MRPS35: variants seen among roughly 807,000 people sequenced by gnomAD.
The protein encoded by MRPS35 is mitochondrial ribosomal protein S35.
In MRPS35, 29 loss-of-function variants were observed where a neutral mutation model predicts 32.7. The observed-to-expected ratio is 0.89, with a 90% confidence interval of 0.66 to 1.21. The LOEUF is 1.21. MRPS35 is among the 50% of genes most tolerant of loss of function. The pLI, the probability that MRPS35 is intolerant of heterozygous loss-of-function variation, is 0.00. For missense variants in MRPS35, 373 were observed against 383.8 expected (o/e 0.97, Z 0.23); for synonymous variants, 148 against 139.3 (o/e 1.06, Z -0.44).
intron 2 of MRPS35, 51 bp from the exon 3 acceptor site, chr12:27,716,240 A>G (rs540099893): frequency 1.4e-6 from 2 of 1,404,856 alleles, no homozygotes; most frequent in Non-Finnish European, 1.9e-6. Flanking sequence ...TTCTTTAAGA[A>G]TTAAAGAATG....
chr12:27,719,150 A>C (rs907644137), intron 3 of MRPS35, among the ~76,000 whole-genome samples: 2 of 152,192 alleles, frequency 1.3e-5, no homozygotes, highest in Non-Finnish European at 2.9e-5. Context: ...TATAAAGGAA[A>C]TATACATGTA....
rs570498126 is a variant in MRPS35 at position 27,722,308 on chromosome 12, C to G, written c.383-1739C>G. On this transcript the variant is annotated intron_variant, in intron 4 of 7. Coordinates refer to ENST00000081029, the MANE Select transcript of MRPS35 (RefSeq NM_021821.4). ...AGCATGGGAAAGTTAGGTAATTTAC[C>G]AAAACTTTAATAATCAGTGGCAGAA... is the stretch of plus-strand genomic sequence containing the variant. 3.9e-5 allele frequency among the ~76,000 whole-genome samples: 6 copies of G among 152,158 alleles called. No individual in the cohort carries two copies. The South Asian group carries it at 1.2e-3, about 32-fold the overall frequency.
intron 1 of MRPS35, among the ~76,000 whole-genome samples, chr12:27,711,701 C>G (rs2140747893): frequency 6.6e-6 from 1 of 151,688 alleles, no homozygotes; most frequent in African/African-American, 2.4e-5. Context: ...CCTGTTTCCC[C>G]TCTTGCTCTC....
intron 7 of MRPS35, among the ~76,000 whole-genome samples, 171 bp downstream of exon 7, chr12:27,737,779 T>G (rs984107121): frequency 3.3e-5 from 5 of 152,224 alleles, no homozygotes; most frequent in Non-Finnish European, 7.3e-5. Flanking sequence ...AGTAAAGGTC[T>G]TGAAATAGGA....
At chr12:27,743,076 T>C (rs12828272) in intron 7 of MRPS35, among the ~76,000 whole-genome samples, 54 of 151,722 alleles carry the variant, frequency 3.6e-4, no homozygotes, top group Non-Finnish European at 7.5e-4. Context: ...CACCACACTG[T>C]TCTCGAACTC....
intron 6 of MRPS35, among the ~76,000 whole-genome samples, chr12:27,736,668 G>A (rs565514101): frequency 2.8e-4 from 42 of 152,072 alleles, no homozygotes; most frequent in Non-Finnish European, 4.1e-4. Context: ...GGAAGTAATC[G>A]TATCTTTCTG....
chr12:27,752,060 G>A (rs1183595985), intron 7 of MRPS35, among the ~76,000 whole-genome samples: 13 of 147,138 alleles, frequency 8.8e-5, no homozygotes. Context: ...AGGCAACATA[G>A]CAAGACCCTG....
chr12:27,726,840 G>A (rs1335496672), intron 5 of MRPS35, among the ~76,000 whole-genome samples: 1 of 151,780 alleles, frequency 6.6e-6, no homozygotes, highest in East Asian at 1.9e-4. Context: ...TCTTTCGATT[G>A]TTGAGTTATA....
At chr12:27,723,371 A>G (rs1162641886) in intron 4 of MRPS35, among the ~76,000 whole-genome samples, 1 of 152,008 alleles carries the variant, frequency 6.6e-6, no homozygotes, top group Non-Finnish European at 1.5e-5. Flanking sequence ...GTTGTGGCCT[A>G]GGTCTCAGAC....
intron 3 of MRPS35, among the ~76,000 whole-genome samples, chr12:27,717,137 A>G (rs1231180037): frequency 6.6e-6 from 1 of 152,080 alleles, no homozygotes; most frequent in East Asian, 1.9e-4. Flanking sequence ...CTGCCTCAGC[A>G]TCCCAAAGTG....
At chr12:27,747,256 A>G (rs972617513) in intron 7 of MRPS35, among the ~76,000 whole-genome samples, 2 of 152,156 alleles carry the variant, frequency 1.3e-5, no homozygotes, top group African/African-American at 4.8e-5. Flanking sequence ...AATACACCTC[A>G]GTTGTAACAT....
At chr12:27,723,238 C>T (rs2061884277) in intron 4 of MRPS35, among the ~76,000 whole-genome samples, 1 of 151,724 alleles carries the variant, frequency 6.6e-6, no homozygotes, top group Non-Finnish European at 1.5e-5. Context: ...AGCTCTGATA[C>T]CTGGGGGAAG....
intron 5 of MRPS35, chr12:27,725,589 A>T (rs995619626): frequency 3.8e-6 from 1 of 263,130 alleles, no homozygotes; most frequent in African/African-American, 2.3e-5. Flanking sequence ...AATGTAAAAA[A>T]ATATAATCCC....
At chr12:27,724,259 G>T in intron 5 of MRPS35, 73 bp downstream of exon 5, 1 of 1,329,386 alleles carries the variant, frequency 7.5e-7, no homozygotes, top group East Asian at 2.8e-5. Context: ...GTCTTTGGTG[G>T]CTGGCACAGT....
intron 7 of MRPS35, among the ~76,000 whole-genome samples, chr12:27,740,267 C>CT (rs35636242): frequency 0.012 from 1,739 of 142,540 alleles, 24 homozygotes; most frequent in Non-Finnish European, 0.015. Context: ...CTTCCTTTGG[C>CT]TTTTTTTTTT....
intron 7 of MRPS35, among the ~76,000 whole-genome samples, chr12:27,754,327 T>G (rs1286158485): frequency 3.3e-5 from 5 of 152,278 alleles, no homozygotes; most frequent in Non-Finnish European, 5.9e-5. Flanking sequence ...GTGCATCATA[T>G]TCTTAATTTT....
chr12:27,727,910 C>T (rs1400114525), intron 5 of MRPS35, among the ~76,000 whole-genome samples: 1 of 152,048 alleles, frequency 6.6e-6, no homozygotes. Flanking sequence ...AGTACATCCT[C>T]CTATATACTT....
chr12:27,731,527 A>G (rs2061921944), intron 5 of MRPS35, among the ~76,000 whole-genome samples: 1 of 152,154 alleles, frequency 6.6e-6, no homozygotes, highest in Non-Finnish European at 1.5e-5. Flanking sequence ...TTTCTTTGCT[A>G]GGTTTCAGTA....
chr12:27,733,858 C>G (rs1467187458), intron 5 of MRPS35, among the ~76,000 whole-genome samples: 1 of 152,164 alleles, frequency 6.6e-6, no homozygotes, highest in East Asian at 1.9e-4. Context: ...ACTTCAAATA[C>G]AAAATACAAA....
Sources: gnomAD v4.1 joint callset for allele counts (sites outside exome capture counted in the v4.1 genomes callset) on GRCh38, gnomAD v4.1.1 for gene constraint, MANE v1.5 for transcripts, NCBI Gene and HGNC (gene_info 2026-07-23, HGNC 2026-07-21) for gene names.